Variants in MNS1 observed in about 807,000 individuals in gnomAD.
MNS1 encodes meiosis specific nuclear structural 1.
A neutral mutation model predicts 72.0 loss-of-function variants in MNS1; 63 were observed. That is an observed-to-expected ratio of 0.87 (90% CI 0.71 to 1.08). The LOEUF (loss-of-function observed/expected upper bound fraction) is 1.08, where lower values mean the gene tolerates loss of function less well. MNS1 is among the 50% of genes least tolerant of loss of function. The pLI, the probability that MNS1 is intolerant of heterozygous loss-of-function variation, is 0.00. For missense variants in MNS1, 604 were observed against 562.4 expected, an observed-to-expected ratio of 1.07 and a Z score of -0.75; for synonymous variants, 188 against 172.1, an observed-to-expected ratio of 1.09 and a Z score of -0.72.
intron 2 of MNS1, among the ~76,000 whole-genome samples, chr15:56,459,228 C>A (rs1241008549): frequency 6.6e-6 from 1 of 152,122 alleles, no homozygotes; most frequent in Non-Finnish European, 1.5e-5. Flanking sequence ...CCTTTTGTAT[C>A]TGGTTTATTT....
chr15:56,455,505 A>T (rs2050976154), intron 3 of MNS1, among the ~76,000 whole-genome samples: 1 of 152,184 alleles, frequency 6.6e-6, no homozygotes. Flanking sequence ...TTCCTGTAAT[A>T]TTCTACAGAC....
In MNS1 at chr15:56,429,101, T is replaced by G; in HGVS notation, c.1488A>C (p.Ter496CysextTer16). The change falls in exon 10 of 10, where the codon TGA becomes TGC. Residue 496 changes from the stop codon to cysteine (C), a stop_lost. Transcript: ENST00000260453. ...QQRSEICEEK[*>C] Reference sequence around the variant, plus strand: ...TATGCTTTACCCAATTTTGATGATATCATTTCTCTTCACAAATTTCACTCC... The same window carrying G: ...TATGCTTTACCCAATTTTGATGATAGCATTTCTCTTCACAAATTTCACTCC... The G allele has an allele frequency of 6.3e-7, 1 of 1,577,386 alleles. No individual in the cohort carries two copies. Among genetic ancestry groups the G allele is most frequent in the Non-Finnish European group, 8.6e-7 (1 of 1,157,102 alleles).
chr15:56,438,571 G>A (rs1375408699), intron 7 of MNS1, among the ~76,000 whole-genome samples: 2 of 152,036 alleles, frequency 1.3e-5, no homozygotes, highest in African/African-American at 2.4e-5. Flanking sequence ...TACCATTCAG[G>A]ACATAGGCAT....
At chr15:56,462,357 G>T (rs1446624541) in intron 2 of MNS1, among the ~76,000 whole-genome samples, 2 of 152,166 alleles carry the variant, frequency 1.3e-5, no homozygotes, top group Non-Finnish European at 2.9e-5. Context: ...ATCAATACTG[G>T]CATCACTAAA....
chr15:56,433,997 G>T, intron 8 of MNS1, 141 bp downstream of exon 8: 2 of 893,690 alleles, frequency 2.2e-6, no homozygotes, highest in Non-Finnish European at 3.1e-6. Context: ...AGCAAAAATG[G>T]TCAGAAAATT....
chr15:56,438,423 G>GA (rs1321278337), intron 7 of MNS1, among the ~76,000 whole-genome samples: 4 of 152,066 alleles, frequency 2.6e-5, no homozygotes, highest in African/African-American at 7.2e-5. Flanking sequence ...AATGGTGCTG[G>GA]AAAAACTGGC....
At chr15:56,436,916 C>T (rs2050736020) in intron 7 of MNS1, among the ~76,000 whole-genome samples, 1 of 152,096 alleles carries the variant, frequency 6.6e-6, no homozygotes, top group African/African-American at 2.4e-5. Flanking sequence ...GAAGTTGAAT[C>T]CCTGAATAGA....
chr15:56,434,311 G>A lies in MNS1; in HGVS notation c.1096C>T (p.Gln366Ter). Reference sequence around the variant, plus strand: ...TTCTCCTCTTCCTCTTTTGCAGCCTGTAGCACTAATTCCTTCAAGGCCATT... The same window carrying A: ...TTCTCCTCTTCCTCTTTTGCAGCCTATAGCACTAATTCCTTCAAGGCCATT... ...EQMALKELVLQAAKEEEENFR... is the reference protein window; with the variant it reads ...EQMALKELVL Residue 366 changes from glutamine to a stop codon, truncating the protein, a stop_gained, in exon 8 of 10, where the codon CAG becomes TAG. Transcript: ENST00000260453. LOFTEE classifies it high-confidence loss of function. 6.2e-7 allele frequency: 1 copy of A among 1,613,826 alleles called. No homozygotes were observed. The highest frequency in any genetic ancestry group is 8.5e-7 in the Non-Finnish European group (1 of 1,179,878).
intron 3 of MNS1, among the ~76,000 whole-genome samples, chr15:56,455,255 A>C (rs2050973892): frequency 6.6e-6 from 1 of 151,142 alleles, no homozygotes; most frequent in Non-Finnish European, 1.5e-5. Flanking sequence ...GTGAAAAAAA[A>C]AAAAAAAAAA....
intron 2 of MNS1, among the ~76,000 whole-genome samples, chr15:56,461,660 CAA>C (rs11294380): frequency 0.056 from 3,196 of 56,722 alleles, 12 homozygotes; most frequent in Admixed American, 0.11. Context: ...GACTCTGTCT[CAA>C]AAAAAAAAAA....
intron 7 of MNS1, among the ~76,000 whole-genome samples, chr15:56,436,282 A>G (rs1226863838): frequency 2.0e-4 from 30 of 152,338 alleles, no homozygotes; most frequent in African/African-American, 6.7e-4. Flanking sequence ...CAATCAAACT[A>G]GAACTCAGGA....
intron 7 of MNS1, among the ~76,000 whole-genome samples, chr15:56,442,222 A>T (rs1420127773): frequency 6.6e-6 from 1 of 152,100 alleles, no homozygotes; most frequent in African/African-American, 2.4e-5. Flanking sequence ...TTAAAGTCAC[A>T]AAAGAATGGA....
At chr15:56,463,315 T>G (rs1294426337) in intron 2 of MNS1, among the ~76,000 whole-genome samples, 1 of 152,120 alleles carries the variant, frequency 6.6e-6, no homozygotes, top group Non-Finnish European at 1.5e-5. Flanking sequence ...ACAATTGTAC[T>G]TACATGAACA....
At position 56,431,475 on chromosome 15, in the gene MNS1, C is replaced by G; in HGVS notation, c.1293G>C (p.Gln431His). 6.2e-7 allele frequency: 1 copy of G among 1,613,740 alleles called. No homozygotes were observed. The highest frequency in any genetic ancestry group is 8.5e-7 in the Non-Finnish European group (1 of 1,179,910). ...ADKQRELEEW[Q>H]LQQRRQGFIN... ...TAAATCCTTGCCGCCTTTGCTGCAA[C>G]TGCCACTCTTCTAGTTCACGTTGCT... is the stretch of plus-strand genomic sequence containing the variant. The change falls in exon 9 of 10, where the codon CAG (glutamine) becomes CAC (histidine). Residue 431 changes from glutamine (Q) to histidine (H), a missense_variant. By Grantham distance (24) the Gln-to-His change is conservative. Transcript: ENST00000260453.
At chr15:56,429,352 A>C in intron 9 of MNS1, 159 bp from the exon 10 acceptor site, 3 of 561,738 alleles carry the variant, frequency 5.3e-6, no homozygotes, top group South Asian at 2.4e-5. Flanking sequence ...CTTTTCAAAA[A>C]ATAAGACTTT....
intron 2 of MNS1, among the ~76,000 whole-genome samples, chr15:56,458,553 T>C (rs1040764741): frequency 4.9e-5 from 3 of 61,312 alleles, no homozygotes; most frequent in African/African-American, 2.0e-4. Context: ...TAATCATATG[T>C]ATCTACCGTA....
intron 7 of MNS1, 150 bp from the exon 8 acceptor site, chr15:56,434,545 C>G: frequency 3.7e-6 from 3 of 802,874 alleles, no homozygotes; most frequent in Non-Finnish European, 5.7e-6. Context: ...CTTTGTCCAT[C>G]CCTTTAAAAC....
intron 9 of MNS1, 128 bp downstream of exon 9, chr15:56,431,245 A>G (rs2050585663): frequency 2.2e-5 from 22 of 1,014,132 alleles, no homozygotes; most frequent in Middle Eastern, 6.5e-4. Flanking sequence ...CCTGGACAGG[A>G]GGATCCCATT....
intron 8 of MNS1, among the ~76,000 whole-genome samples, chr15:56,432,024 G>A (rs1190372546): frequency 2.0e-5 from 3 of 152,068 alleles, no homozygotes; most frequent in East Asian, 1.9e-4. Flanking sequence ...CTTGAACTAC[G>A]TGAAAGAACA....
Sources: allele counts gnomAD v4.1 joint callset (sites outside exome capture counted in the v4.1 genomes callset), GRCh38; gene constraint gnomAD v4.1.1; transcripts MANE v1.5; gene names NCBI Gene and HGNC (gene_info 2026-07-23, HGNC 2026-07-21).